The following DOCK1 variants were observed in gnomAD, a reference collection of about 807,000 sequenced individuals.
The protein encoded by DOCK1 is dedicator of cytokinesis 1.
DOCK1 carries 138 observed loss-of-function variants against 262.7 expected under a neutral mutation model. The observed-to-expected ratio is 0.53, with a 90% CI of 0.46 to 0.61. The LOEUF is 0.61. Ranked by LOEUF, DOCK1 falls within the 20% of genes least tolerant of loss-of-function variation. DOCK1 has a pLI of 0.00. For synonymous variants in DOCK1, 866 were observed against 867.4 expected, an observed-to-expected ratio of 1.00 and a Z score of 0.03; for missense variants, 1,908 against 2,370.7, an observed-to-expected ratio of 0.80 and a Z score of 4.05.
chr10:127,403,511 G>A (rs533880911), intron 39 of DOCK1, among the ~76,000 whole-genome samples: 2 of 151,670 alleles, frequency 1.3e-5, no homozygotes, highest in African/African-American at 4.9e-5. Flanking sequence ...TGTAATCCCA[G>A]CACTTTGGGA....
At chr10:127,117,919 G>A (rs538353427) in intron 25 of DOCK1, among the ~76,000 whole-genome samples, 10 of 152,172 alleles carry the variant, frequency 6.6e-5, no homozygotes, top group African/African-American at 2.4e-4. Flanking sequence ...AGTCTCCTAG[G>A]TTCTGCTTTA....
chr10:127,038,562 C>T (rs2043812117), intron 19 of DOCK1, among the ~76,000 whole-genome samples: 1 of 152,168 alleles, frequency 6.6e-6, no homozygotes, highest in South Asian at 2.1e-4. Context: ...CCCTGAGATC[C>T]CCTTTAAGTG....
intron 23 of DOCK1, among the ~76,000 whole-genome samples, chr10:127,070,131 G>T (rs1481694929): frequency 6.6e-6 from 1 of 151,886 alleles, no homozygotes; most frequent in Non-Finnish European, 1.5e-5. Flanking sequence ...TTCTTATGAG[G>T]TTGTTAAATT....
rs564389053 is a variant in DOCK1 at position 127,128,433 on chromosome 10, T to A, written c.2847+669T>A. Among the ~76,000 whole-genome samples, 40 of 151,882 alleles carry A rather than the reference T, an allele frequency of 2.6e-4. 1 individual carries two copies. In the South Asian group the frequency reaches 7.9e-3, roughly 30 times the overall value. On this transcript the variant is annotated intron_variant, in intron 27 of 51. Transcript: ENST00000623213. The stretch of plus-strand genomic sequence containing the variant: ...ACATGTGCAGAACATACAGGTTTGT[T>A]ACGTAGGTATGCGTGTGCCATGGTG...
intron 27 of DOCK1, among the ~76,000 whole-genome samples, chr10:127,223,747 T>C (rs1430649551): frequency 6.6e-6 from 1 of 152,184 alleles, no homozygotes; most frequent in Non-Finnish European, 1.5e-5. Context: ...TTGGGAGTGC[T>C]GTTTGTTCGT....
At chr10:126,909,985 G>A (rs1375522279) in intron 1 of DOCK1, among the ~76,000 whole-genome samples, 2 of 152,196 alleles carry the variant, frequency 1.3e-5, no homozygotes, top group East Asian at 1.9e-4. Flanking sequence ...CCTGACTTGC[G>A]TGCCTTCACA....
intron 29 of DOCK1, among the ~76,000 whole-genome samples, chr10:127,293,298 C>G (rs543381786): frequency 6.6e-6 from 1 of 152,324 alleles, no homozygotes; most frequent in South Asian, 2.1e-4. Flanking sequence ...AATCTGTTAT[C>G]TCAAAGGAGA....
chr10:127,255,793 T>C (rs2059808927), intron 28 of DOCK1, among the ~76,000 whole-genome samples: 1 of 152,198 alleles, frequency 6.6e-6, no homozygotes, highest in Non-Finnish European at 1.5e-5. Context: ...GAAGTAATCA[T>C]CAAGAAAGCC....
At chr10:127,232,302 G>T (rs1045309014) in intron 27 of DOCK1, among the ~76,000 whole-genome samples, 1 of 152,094 alleles carries the variant, frequency 6.6e-6, no homozygotes, top group East Asian at 1.9e-4. Context: ...ATGTATGCAG[G>T]TTTCTCTTTT....
In DOCK1 at chr10:127,183,597, G is replaced by C. The variant is rs565953061; in HGVS notation, c.2847+55833G>C. 8.5e-5 allele frequency among the ~76,000 whole-genome samples: 13 copies of C among 152,294 alleles called. No homozygotes were observed. In the East Asian group the frequency reaches 2.3e-3, roughly 27 times the overall value. On this transcript the variant is annotated intron_variant, in intron 27 of 51. Transcript: ENST00000623213. Reference sequence around the variant, plus strand: ...CAATCCTAACCGAAGTCTGCAGAAAGAGTTAGTGCTTGTAATCTTCTCGGC... The same window carrying C: ...CAATCCTAACCGAAGTCTGCAGAAACAGTTAGTGCTTGTAATCTTCTCGGC...
intron 27 of DOCK1, among the ~76,000 whole-genome samples, chr10:127,210,857 G>T (rs1051998756): frequency 3.3e-5 from 5 of 152,220 alleles, no homozygotes; most frequent in African/African-American, 1.2e-4. Flanking sequence ...TAAAAACTCA[G>T]AATATTCTTG....
chr10:127,175,077 G>T lies in DOCK1; in HGVS notation c.2847+47313G>T. ...AATAATCTGCGACCCCTTGGAGCTCGCCACGCCCTTAGACTATGACCTGTT... is the reference window on the plus strand; with the variant it reads ...AATAATCTGCGACCCCTTGGAGCTCTCCACGCCCTTAGACTATGACCTGTT... On this transcript the variant is annotated intron_variant, in intron 27 of 51. Transcript: ENST00000623213. This position sits in a 1 kb window ranked among gnomAD's most constrained non-coding sequence, Gnocchi z 6.3. 3 of 748,864 alleles carry T rather than the reference G, an allele frequency of 4.0e-6. No individual in the cohort carries two copies. Among genetic ancestry groups the T allele is most frequent in the African/African-American group, 1.7e-5 (1 of 57,266 alleles). 46.4% of individuals were successfully genotyped at this position (748,864 alleles called of 1,614,324 possible).
chr10:127,162,268 A>G (rs746446119), intron 27 of DOCK1, among the ~76,000 whole-genome samples: 1 of 152,202 alleles, frequency 6.6e-6, no homozygotes, highest in Non-Finnish European at 1.5e-5. Flanking sequence ...TGCATTTTCT[A>G]TAGTGTTTCT....
intron 29 of DOCK1, among the ~76,000 whole-genome samples, chr10:127,336,284 G>T (rs769074337): frequency 6.6e-6 from 1 of 152,096 alleles, no homozygotes; most frequent in African/African-American, 2.4e-5. Flanking sequence ...TGCAAGTGAC[G>T]CAGCCCTTGA....
At chr10:127,299,407 AAGG>A (rs2061608129) in intron 29 of DOCK1, among the ~76,000 whole-genome samples, 1 of 152,206 alleles carries the variant, frequency 6.6e-6, no homozygotes, top group Non-Finnish European at 1.5e-5. Flanking sequence ...CCCGGCCAAG[AAGG>A]GTGGGCTCTT....
intron 29 of DOCK1, among the ~76,000 whole-genome samples, chr10:127,294,408 G>A (rs545015619): frequency 2.0e-5 from 3 of 151,836 alleles, no homozygotes; most frequent in Admixed American, 6.6e-5. Flanking sequence ...TGCAACCTCC[G>A]CCTCCCAGGT....
chr10:126,935,456 T>C (rs2034501331), intron 1 of DOCK1, among the ~76,000 whole-genome samples: 1 of 152,138 alleles, frequency 6.6e-6, no homozygotes, highest in African/African-American at 2.4e-5. Context: ...GCTTGTTCTT[T>C]AAAGGCCCAG....
intron 6 of DOCK1, among the ~76,000 whole-genome samples, chr10:126,992,442 A>G (rs903794685): frequency 1.3e-5 from 2 of 152,172 alleles, no homozygotes; most frequent in East Asian, 1.9e-4. Context: ...AATTTCTCCA[A>G]AGCCCAGCGC....
chr10:127,333,984 T>C (rs2063092282), intron 29 of DOCK1, among the ~76,000 whole-genome samples: 1 of 152,218 alleles, frequency 6.6e-6, no homozygotes, highest in African/African-American at 2.4e-5. Context: ...CATTTGTCAG[T>C]GGAGAAGATG....
Sources: gnomAD v4.1 joint callset for allele counts (sites outside exome capture counted in the v4.1 genomes callset) on GRCh38, gnomAD v4.1.1 for gene constraint, Gnocchi (gnomAD v3.1) non-coding constraint, MANE v1.5 for transcripts, NCBI Gene and HGNC (gene_info 2026-07-23, HGNC 2026-07-21) for gene names.